Variants in NCDN observed in about 807,000 individuals in gnomAD.
The protein encoded by NCDN is norbin.
Under a neutral mutation model 60.7 loss-of-function variants are expected in NCDN, and 9 were observed. The observed-to-expected ratio is 0.15, with a 90% CI of 0.09 to 0.26. The LOEUF (loss-of-function observed/expected upper bound fraction) is 0.26, where lower values mean the gene tolerates loss of function less well. NCDN is among the 10% of genes least tolerant of loss of function. The pLI, the probability that NCDN is intolerant of heterozygous loss-of-function variation, is 1.00. For missense variants in NCDN, 578 were observed against 975.2 expected (o/e 0.59, Z 5.42); for synonymous variants, 409 against 442.5 (o/e 0.92, Z 0.95).
intron 6 of NCDN, among the ~76,000 whole-genome samples, chr1:35,564,866 C>G (rs1264886508): frequency 1.3e-5 from 2 of 152,136 alleles, no homozygotes; most frequent in Admixed American, 1.3e-4. Flanking sequence ...TAACCTGTGT[C>G]TGAGCTCTGT....
rs749035577 is a variant in NCDN, at chr1:35,558,669, A to G, written c.34-438A>G. 1.8e-6 allele frequency: 2 copies of G among 1,132,564 alleles called. No individual in the cohort carries two copies. The highest frequency in any genetic ancestry group is 1.1e-6 in the Non-Finnish European group (1 of 919,892). 70.2% of individuals were successfully genotyped at this position (1,132,564 alleles called of 1,614,324 possible). A position where few individuals can be genotyped will look rare whatever the true frequency, so the allele number is the denominator to read the frequency against. On this transcript the variant is annotated intron_variant, in intron 1 of 6. Coordinates refer to ENST00000373243, the MANE Select transcript of NCDN (RefSeq NM_014284.3). This position sits in a 1 kb window ranked among gnomAD's most constrained non-coding sequence, Gnocchi z 6.3. ...CTCCCATGTCAGCCTGAGTCCGGAT[A>G]ATCGAACTTCACCCATGTATGTCTC...
In NCDN at chr1:35,565,528, C is replaced by T. The variant is rs781486771; in HGVS notation, c.2055C>T (p.Ala685=). The T allele has an allele frequency of 1.5e-5, 24 of 1,571,242 alleles. No individual in the cohort carries two copies. In the African/African-American group the frequency reaches 2.2e-4, roughly 14 times the overall value. ...SPNSVKPEMV[A]AYQGVLVELA... ...ACTCTGTCAAGCCCGAGATGGTGGC[C>T]GCCTATCAGGGTGTCCTGGTGGAGC... The change falls in exon 7 of 7, where the codon GCC becomes GCT. Residue 685 remains alanine, a synonymous_variant. Transcript: ENST00000373243. The surrounding 1 kb of genome is among the most constrained non-coding windows in gnomAD (Gnocchi z 8.9).
rs147694879 is a variant in NCDN, at chr1:35,565,295, G to A, written c.1822G>A (p.Val608Met). The change falls in exon 7 of 7, where the codon GTG becomes ATG. Residue 608 changes from valine to methionine, a missense_variant. This residue lies in a region of NCDN where 191 missense variants were observed against 372.1 expected (regional missense o/e 0.51). Coordinates refer to ENST00000373243, the MANE Select transcript of NCDN (RefSeq NM_014284.3). The surrounding 1 kb of genome is among the most constrained non-coding windows in gnomAD (Gnocchi z 8.9). ...CATCCTCTTCCTATCACAGTCCCACGTGGCGCGGGCCACCCCGGGCTCAGA... is the reference window on the plus strand; with the variant it reads ...CATCCTCTTCCTATCACAGTCCCACATGGCGCGGGCCACCCCGGGCTCAGA... Reference protein sequence around the residue: ...AAILFLSQSHVARATPGSDQA... With the variant: ...AAILFLSQSHMARATPGSDQA... The A allele has an allele frequency of 9.3e-6, 15 of 1,614,046 alleles. No individual in the cohort carries two copies. Among genetic ancestry groups the A allele is most frequent in the African/African-American group, 1.3e-5 (1 of 75,060 alleles).
At position 35,563,714 on chromosome 1, in the gene NCDN, T is replaced by C; in HGVS notation, c.1611-53T>C. 1 of 1,592,942 alleles carries C rather than the reference T, an allele frequency of 6.3e-7. No individual in the cohort carries two copies. The highest frequency in any genetic ancestry group is 1.7e-5 in the Admixed American group (1 of 57,622). On this transcript the variant is annotated intron_variant, in intron 5 of 6. Transcript: ENST00000373243. The surrounding 1 kb of genome is among the most constrained non-coding windows in gnomAD (Gnocchi z 6.6). ...CCTAATTTCTTGCCAAGGGCTTGAT[T>C]TGGCTGTACTAGACCCCCACCTACC...
Position 35,566,062 on chromosome 1 carries a change from G to A in NCDN, c.*399G>A. The stretch of plus-strand genomic sequence containing the variant: ...CATGTGCCCTGCCGGCCAGGGCGTG[G>A]GCTCCCCTCGGCTGTGGTGCCTCCT... On this transcript the variant is annotated 3_prime_UTR_variant, in exon 7 of 7. Transcript: ENST00000373243. The surrounding 1 kb of genome is among the most constrained non-coding windows in gnomAD (Gnocchi z 5.3). The A allele has an allele frequency of 4.9e-6, 1 of 202,048 alleles. No individual in the cohort carries two copies. The highest frequency in any genetic ancestry group is 8.8e-5 in the South Asian group (1 of 11,382). 12.5% of individuals were successfully genotyped at this position (202,048 alleles called of 1,614,324 possible). A position where few individuals can be genotyped will look rare whatever the true frequency, so the allele number is the denominator to read the frequency against.
In NCDN at chr1:35,563,279, C is replaced by G; in HGVS notation, c.1463C>G (p.Ser488Trp). The change falls in exon 5 of 7, where the codon TCG (serine) becomes TGG (tryptophan). Residue 488 changes from serine to tryptophan, a missense_variant. This residue lies in a region of NCDN where 191 missense variants were observed against 372.1 expected (regional missense o/e 0.51). Transcript: ENST00000373243. This position sits in a 1 kb window ranked among gnomAD's most constrained non-coding sequence, Gnocchi z 6.6. ...REILIKEGAPSLLCKYFLQQW... is the reference protein window; with the variant it reads ...REILIKEGAPWLLCKYFLQQW... ...ATCCTGATCAAGGAAGGGGCCCCCT[C>G]GCTTCTGTGCAAGTATTTCCTGCAG... 6.2e-7 allele frequency: 1 copy of G among 1,614,224 alleles called. No individual in the cohort carries two copies. Among genetic ancestry groups the G allele is most frequent in the Non-Finnish European group, 8.5e-7 (1 of 1,180,044 alleles).
Position 35,558,331 on chromosome 1 carries a change from C to T in NCDN, c.33+108C>T, listed in dbSNP as rs1372134954. On this transcript the variant is annotated intron_variant, in intron 1 of 6. Transcript: ENST00000373243. The surrounding 1 kb of genome is among the most constrained non-coding windows in gnomAD (Gnocchi z 6.3). ...CCGTTGTCCTGGGAACTATCCGGGACCCCCTCTTGCTTCTCCAGCCCCTGC... is the reference window on the plus strand; with the variant it reads ...CCGTTGTCCTGGGAACTATCCGGGATCCCCTCTTGCTTCTCCAGCCCCTGC... The T allele has an allele frequency of 4.5e-6, 7 of 1,564,484 alleles. No homozygotes were observed. Among genetic ancestry groups the T allele is most frequent in the Non-Finnish European group, 6.1e-6 (7 of 1,152,608 alleles).
In NCDN at chr1:35,565,747, C is replaced by A. The variant is rs757649362; in HGVS notation, c.*84C>A. ...TCTTCCCTGAAGCCCCCAATCTGGC[C>A]CCCCCCTCCCCAGACTTCCTCCCCA... On this transcript the variant is annotated 3_prime_UTR_variant, in exon 7 of 7. Coordinates refer to ENST00000373243, the MANE Select transcript of NCDN (RefSeq NM_014284.3). The surrounding 1 kb of genome is among the most constrained non-coding windows in gnomAD (Gnocchi z 8.9). 1.8e-5 allele frequency: 24 copies of A among 1,368,968 alleles called. No homozygotes were observed. The highest frequency in any genetic ancestry group is 1.5e-4 in the South Asian group (10 of 68,030). The allele number at this position is 1,368,968 out of a possible 1,614,324, so 84.8% of individuals were successfully genotyped here.
rs1000343223 is a variant in NCDN, at chr1:35,558,064, T to TG, written c.-127_-126insG. ...AGCCCTTTTCAATATATATCTTTTT[T>TG]TTTTTTAATTTGCCCTGTCATCTTT... On this transcript the variant is annotated 5_prime_UTR_variant, in exon 1 of 7. It introduces an in-frame stop codon into an upstream open reading frame of the 5' UTR. Transcript: ENST00000373243. The surrounding 1 kb of genome is among the most constrained non-coding windows in gnomAD (Gnocchi z 6.3). The TG allele has an allele frequency of 9.3e-5, 125 of 1,346,408 alleles. No individual in the cohort carries two copies. The African/African-American group carries it at 1.8e-3, about 19-fold the overall frequency. 83.4% of individuals were successfully genotyped at this position (1,346,408 alleles called of 1,614,324 possible).
rs1648698102 is a variant in NCDN at position 35,561,322 on chromosome 1, G to A, written c.1143+28G>A. 1 of 1,551,314 alleles carries A rather than the reference G, an allele frequency of 6.4e-7. No individual in the cohort carries two copies. The highest frequency in any genetic ancestry group is 8.7e-7 in the Non-Finnish European group (1 of 1,153,800). On this transcript the variant is annotated intron_variant, in intron 3 of 6. Coordinates refer to ENST00000373243, the MANE Select transcript of NCDN (RefSeq NM_014284.3). This position sits in a 1 kb window ranked among gnomAD's most constrained non-coding sequence, Gnocchi z 4.9. ...GAGGGTGCAGTGACCCACAGAGGGG[G>A]CCCAGTATGGGGGGAGCCAGTGCTG...
rs999162226 is a variant in NCDN at position 35,565,948 on chromosome 1, C to G, written c.*285C>G. The G allele has an allele frequency of 7.1e-6, 3 of 420,570 alleles. No homozygotes were observed. The highest frequency in any genetic ancestry group is 1.3e-5 in the Non-Finnish European group (3 of 231,162). 26.1% of individuals were successfully genotyped at this position (420,570 alleles called of 1,614,324 possible). The stretch of plus-strand genomic sequence containing the variant: ...GGAGCAGCCCCCAGGGAGGGGGGCA[C>G]TAGGTGTCATTGTGCCCGATGTCTG... On this transcript the variant is annotated 3_prime_UTR_variant, in exon 7 of 7. Coordinates refer to ENST00000373243, the MANE Select transcript of NCDN (RefSeq NM_014284.3). This position sits in a 1 kb window ranked among gnomAD's most constrained non-coding sequence, Gnocchi z 8.9.
chr1:35,559,754 G>T (rs1282087617), intron 2 of NCDN, among the ~76,000 whole-genome samples: 5 of 139,102 alleles, frequency 3.6e-5, no homozygotes, highest in Non-Finnish European at 6.3e-5. Context: ...GGTTGTGTGT[G>T]GGGGGTGAAG....
chr1:35,558,456 C>G lies in NCDN; in HGVS notation c.33+233C>G. 5 of 1,431,970 alleles carry G rather than the reference C, an allele frequency of 3.5e-6. No homozygotes were observed. The highest frequency in any genetic ancestry group is 4.6e-6 in the Non-Finnish European group (5 of 1,097,204). 88.7% of individuals were successfully genotyped at this position (1,431,970 alleles called of 1,614,324 possible). A position where few individuals can be genotyped will look rare whatever the true frequency, so the allele number is the denominator to read the frequency against. ...CCGCCGCTGCTGCTGCTGCTGCAGC[C>G]TCTACCCGAGGGAGGGAAAGGAGAG... On this transcript the variant is annotated intron_variant, in intron 1 of 6. Transcript: ENST00000373243. The surrounding 1 kb of genome is among the most constrained non-coding windows in gnomAD (Gnocchi z 6.3).
At position 35,557,922 on chromosome 1, in the gene NCDN, G is replaced by T; in HGVS notation, c.-269G>T. The T allele has an allele frequency of 1.6e-6, 1 of 623,884 alleles. No homozygotes were observed. 38.6% of individuals were successfully genotyped at this position (623,884 alleles called of 1,614,324 possible). A position where few individuals can be genotyped will look rare whatever the true frequency, so the allele number is the denominator to read the frequency against. ...CCTTCGGGCCCTCCCCTGCATCCCA[G>T]CCGGGGCCTCTCCGAGCCGGCGCTG... On this transcript the variant is annotated 5_prime_UTR_variant, in exon 1 of 7. Coordinates refer to ENST00000373243, the MANE Select transcript of NCDN (RefSeq NM_014284.3).
rs768163072 is a variant in NCDN, at chr1:35,560,295, T to G, written c.175-31T>G. 2 of 1,593,978 alleles carry G rather than the reference T, an allele frequency of 1.3e-6. No individual in the cohort carries two copies. The highest frequency in any genetic ancestry group is 2.2e-5 in the South Asian group (2 of 89,466). Reference sequence around the variant, plus strand: ...GGACAGTCTTTCCCACTTCTTCCTTTCATCCTGATGATAGCACATACCCCC... The same window carrying G: ...GGACAGTCTTTCCCACTTCTTCCTTGCATCCTGATGATAGCACATACCCCC... On this transcript the variant is annotated intron_variant, in intron 2 of 6. Coordinates refer to ENST00000373243, the MANE Select transcript of NCDN (RefSeq NM_014284.3). This position sits in a 1 kb window ranked among gnomAD's most constrained non-coding sequence, Gnocchi z 7.6.
In NCDN at chr1:35,562,370, C is replaced by T; in HGVS notation, c.1144-22C>T. The T allele has an allele frequency of 6.2e-7, 1 of 1,611,526 alleles. No individual in the cohort carries two copies. Among genetic ancestry groups the T allele is most frequent in the Non-Finnish European group, 8.5e-7 (1 of 1,178,458 alleles). ...GAGGGTCCCTGGTCCTGCTCCATCT[C>T]AAGGGGGTCCTGTGGCAACAGGTGG... On this transcript the variant is annotated intron_variant, in intron 3 of 6. Transcript: ENST00000373243. This position sits in a 1 kb window ranked among gnomAD's most constrained non-coding sequence, Gnocchi z 6.8.
intron 2 of NCDN, 140 bp downstream of exon 2, chr1:35,559,387 T>A: frequency 9.1e-7 from 1 of 1,093,718 alleles, no homozygotes; most frequent in Non-Finnish European, 1.3e-6. Context: ...GACCCCTACC[T>A]TTGTGCTCTT....
rs1571086453 is a variant in NCDN, at chr1:35,563,727, A to C, written c.1611-40A>C. The C allele has an allele frequency of 6.3e-7, 1 of 1,582,002 alleles. No homozygotes were observed. The highest frequency in any genetic ancestry group is 1.4e-5 in the African/African-American group (1 of 73,636). On this transcript the variant is annotated intron_variant, in intron 5 of 6. Coordinates refer to ENST00000373243, the MANE Select transcript of NCDN (RefSeq NM_014284.3). This position sits in a 1 kb window ranked among gnomAD's most constrained non-coding sequence, Gnocchi z 6.6. ...CAAGGGCTTGATTTGGCTGTACTAGACCCCCACCTACCTCCATCCTTCCCC... is the reference window on the plus strand; with the variant it reads ...CAAGGGCTTGATTTGGCTGTACTAGCCCCCCACCTACCTCCATCCTTCCCC...
At chr1:35,559,897 G>A (rs907765737) in intron 2 of NCDN, among the ~76,000 whole-genome samples, 10 of 152,110 alleles carry the variant, frequency 6.6e-5, no homozygotes, top group East Asian at 1.9e-4. Flanking sequence ...GCGGAGCGGC[G>A]AGACACAGGA....
Sources: gnomAD v4.1 joint callset for allele counts (sites outside exome capture counted in the v4.1 genomes callset) on GRCh38, gnomAD v4.1.1 for gene constraint, gnomAD v4.1.1 regional missense constraint, Gnocchi (gnomAD v3.1) non-coding constraint, MANE v1.5 for transcripts, NCBI Gene and HGNC (gene_info 2026-07-23, HGNC 2026-07-21) for gene names.